VWF: variants seen among roughly 807,000 people sequenced by gnomAD.
VWF encodes the protein von Willebrand factor.
VWF carries 176 observed loss-of-function variants against 308.6 expected under a neutral mutation model. The observed-to-expected ratio is 0.57, with a 90% CI of 0.50 to 0.65. VWF has a LOEUF of 0.65. Ranked by LOEUF, VWF falls within the 30% of genes least tolerant of loss-of-function variation. The pLI, the probability that VWF is intolerant of heterozygous loss-of-function variation, is 0.00. For missense variants in VWF, 3,146 were observed against 3,648.2 expected (o/e 0.86, Z 3.55); for synonymous variants, 1,385 against 1,443.4 (o/e 0.96, Z 0.92).
chr12:5,966,079 G>C (rs1003329372), intron 47 of VWF, among the ~76,000 whole-genome samples: 2 of 152,188 alleles, frequency 1.3e-5, no homozygotes, highest in Non-Finnish European at 2.9e-5. Flanking sequence ...CAGGGAGTGA[G>C]CGGGCCTGCC....
intron 5 of VWF, among the ~76,000 whole-genome samples, chr12:6,108,455 A>G (rs993018101): frequency 1.3e-5 from 2 of 151,936 alleles, no homozygotes; most frequent in Non-Finnish European, 2.9e-5. Context: ...TGGGTCATTA[A>G]TAAGCAGACA....
At position 6,067,996 on chromosome 12, in the gene VWF, G is replaced by A. The variant is rs34654480; in HGVS notation, c.1157-2723C>T. Reference sequence around the variant, plus strand: ...TAAAAATACAAAAAATTAGCCGGGTGTGGTGGCAGGTGCCTGTAATCCCAG... The same window carrying A: ...TAAAAATACAAAAAATTAGCCGGGTATGGTGGCAGGTGCCTGTAATCCCAG... On this transcript the variant is annotated intron_variant, in intron 10 of 51. Coordinates refer to ENST00000261405, the MANE Select transcript of VWF (RefSeq NM_000552.5). Among the ~76,000 whole-genome samples the A allele has an allele frequency of 1.5e-3, 225 of 152,032 alleles. 1 individual carries two copies. The highest frequency in any genetic ancestry group is 3.4e-3 in the Middle Eastern group (1 of 294).
At chr12:6,124,056 G>A (rs1273557108) in intron 1 of VWF, among the ~76,000 whole-genome samples, 1 of 152,078 alleles carries the variant, frequency 6.6e-6, no homozygotes, top group East Asian at 1.9e-4. Context: ...TCTGTGGAAG[G>A]AACACTGAGA....
intron 22 of VWF, among the ~76,000 whole-genome samples, chr12:6,027,829 AC>A (rs1044442034): frequency 2.8e-4 from 41 of 143,932 alleles, no homozygotes; most frequent in African/African-American, 9.5e-4. Flanking sequence ...CAATAAAAAA[AC>A]AAATACATGG....
At chr12:6,054,955 C>G (rs188119301) in intron 15 of VWF, among the ~76,000 whole-genome samples, 250 of 152,298 alleles carry the variant, frequency 1.6e-3, no homozygotes, top group African/African-American at 5.9e-3. Flanking sequence ...TACAAAGGGA[C>G]AGCCCAAGGC....
chr12:6,095,820 C>G (rs562329802), intron 5 of VWF: 1 of 499,240 alleles, frequency 2.0e-6, no homozygotes, highest in Non-Finnish European at 3.6e-6. Flanking sequence ...TGGTTCACCC[C>G]TCCTCAGGCA....
intron 13 of VWF, 112 bp downstream of exon 13, chr12:6,062,842 A>C (rs1183750384): frequency 1.2e-6 from 1 of 868,502 alleles, no homozygotes; most frequent in African/African-American, 1.6e-5. Flanking sequence ...GGTGTAGGCC[A>C]TGAGGAGAAA....
At chr12:6,082,343 A>G (rs1027247546) in intron 6 of VWF, among the ~76,000 whole-genome samples, 1 of 152,228 alleles carries the variant, frequency 6.6e-6, no homozygotes, top group African/African-American at 2.4e-5. Flanking sequence ...ATTTGTTTTA[A>G]TATCTAATAT....
At chr12:6,068,835 C>CGTGTGTGTGTGTGTGT in intron 10 of VWF, among the ~76,000 whole-genome samples, 1 of 91,316 alleles carries the variant, frequency 1.1e-5, no homozygotes, top group African/African-American at 5.3e-5. Flanking sequence ...TTTTTTTTTG[C>CGTGTGTGTGTGTGTGT]GTGTGTGTGT....
intron 13 of VWF, among the ~76,000 whole-genome samples, chr12:6,061,522 G>T (rs766295986): frequency 1.1e-4 from 16 of 150,098 alleles, no homozygotes; most frequent in Non-Finnish European, 1.9e-4. Context: ...GGAGCTCTAA[G>T]ACAGGAGAAA....
At chr12:6,121,979 A>C (rs1475844702) in intron 2 of VWF, among the ~76,000 whole-genome samples, 2 of 152,034 alleles carry the variant, frequency 1.3e-5, no homozygotes, top group Non-Finnish European at 2.9e-5. Flanking sequence ...AGAAGTTAAA[A>C]CCATCTGTAA....
chr12:5,977,998 T>C (rs1360209368), intron 42 of VWF, among the ~76,000 whole-genome samples: 1 of 148,610 alleles, frequency 6.7e-6, no homozygotes, highest in Non-Finnish European at 1.5e-5. Context: ...TAATTTGGGG[T>C]TTAAAATCAT....
At chr12:6,081,308 T>C (rs1167127936) in intron 6 of VWF, among the ~76,000 whole-genome samples, 3 of 151,904 alleles carry the variant, frequency 2.0e-5, no homozygotes, top group Non-Finnish European at 2.9e-5. Flanking sequence ...ATGGAGTGGG[T>C]AAAGAATTTA....
chr12:6,025,490 A>G, intron 24 of VWF, 90 bp downstream of exon 24: 1 of 981,964 alleles, frequency 1.0e-6, no homozygotes, highest in Non-Finnish European at 1.6e-6. Context: ...ACACGAGGGT[A>G]GTGTCCACGT....
chr12:6,111,646 G>A (rs1424934684), intron 3 of VWF, among the ~76,000 whole-genome samples: 1 of 152,196 alleles, frequency 6.6e-6, no homozygotes, highest in African/African-American at 2.4e-5. Flanking sequence ...CTCTGGCCTA[G>A]CAGTGCTATT....
chr12:6,011,760 T>C lies in VWF; in HGVS notation c.5699A>G (p.His1900Arg). ...GCCATCTGGCTGGCAAGTCACGGTG[T>C]GGCACTGGTCTGGCAAGGTCCAGAC... is the stretch of plus-strand genomic sequence containing the variant. ...GDVWTLPDQC[H>R]TVTCQPDGQT... The change falls in exon 34 of 52, where the codon CAC becomes CGC. Residue 1900 changes from histidine (H) to arginine (R), a missense_variant. His to Arg is a conservative substitution (Grantham distance 29). Around this residue, in one of 3 missense-constraint regions of VWF, gnomAD observed 853 missense variants for 1,177.8 expected, o/e 0.72. Coordinates refer to ENST00000261405, the MANE Select transcript of VWF (RefSeq NM_000552.5). 1 of 1,613,438 alleles carries C rather than the reference T, an allele frequency of 6.2e-7. No individual in the cohort carries two copies. The highest frequency in any genetic ancestry group is 8.5e-7 in the Non-Finnish European group (1 of 1,179,674).
intron 40 of VWF, among the ~76,000 whole-genome samples, chr12:5,984,434 G>C (rs1943654868): frequency 6.6e-6 from 1 of 152,206 alleles, no homozygotes; most frequent in Non-Finnish European, 1.5e-5. Flanking sequence ...ACTGTCCCCT[G>C]ATCTATCTGC....
intron 6 of VWF, among the ~76,000 whole-genome samples, chr12:6,092,638 T>A (rs879508521): frequency 0.025 from 2,448 of 98,932 alleles, 81 homozygotes; most frequent in African/African-American, 0.092. Context: ...TGTGTGTGTG[T>A]GTGTGTGTGT....
At chr12:6,003,972 C>T (rs10219599) in intron 34 of VWF, among the ~76,000 whole-genome samples, 3 of 151,852 alleles carry the variant, frequency 2.0e-5, no homozygotes, top group Admixed American at 6.6e-5. Flanking sequence ...CCCGCCACCA[C>T]GCCCGGCTAA....
Sources: allele counts gnomAD v4.1 joint callset (sites outside exome capture counted in the v4.1 genomes callset), GRCh38; gene constraint gnomAD v4.1.1; regional missense constraint gnomAD v4.1.1; transcripts MANE v1.5; gene names NCBI Gene and HGNC (gene_info 2026-07-23, HGNC 2026-07-21).